Variants in RPL7L1 observed in about 807,000 individuals in gnomAD.
The protein encoded by RPL7L1 is ribosomal protein uL30-like.
In RPL7L1, 20 loss-of-function variants were observed where a neutral mutation model predicts 30.3. The observed-to-expected ratio is 0.66, with a 90% CI of 0.46 to 0.96. RPL7L1 has a LOEUF of 0.96. Ranked by LOEUF, RPL7L1 falls within the 40% of genes least tolerant of loss-of-function variation. RPL7L1 has a pLI of 0.00. For missense variants in RPL7L1, 271 were observed against 314.9 expected, an observed-to-expected ratio of 0.86 and a Z score of 1.05; for synonymous variants, 107 against 110.1, an observed-to-expected ratio of 0.97 and a Z score of 0.18.
In RPL7L1 at chr6:42,886,455, G is replaced by A; in HGVS notation, c.759G>A (p.Gln253=). The change falls in exon 6 of 6, where the codon CAG becomes CAA. Residue 253 remains glutamine, a synonymous_variant. Transcript: ENST00000493763. ...RGERINQLIR[Q]LN ...AACGCATCAATCAGCTCATCCGTCAGCTGAACTAGACCCAGGTGAGGCAGG... is the reference window on the plus strand; with the variant it reads ...AACGCATCAATCAGCTCATCCGTCAACTGAACTAGACCCAGGTGAGGCAGG... The A allele has an allele frequency of 1.3e-6, 2 of 1,534,378 alleles. No individual in the cohort carries two copies. Among genetic ancestry groups the A allele is most frequent in the South Asian group, 1.1e-5 (1 of 89,356 alleles).
chr6:42,886,720 G>C lies in RPL7L1; in HGVS notation c.*256G>C, dbSNP rs1485560224. ...AACTAAAAACTGTATTGCTGGCCGG[G>C]CGCGGTGGCTCACGCCTGTAATCCC... On this transcript the variant is annotated 3_prime_UTR_variant, in exon 6 of 6. Transcript: ENST00000493763. 1 of 376,700 alleles carries C rather than the reference G, an allele frequency of 2.7e-6. No homozygotes were observed. The highest frequency in any genetic ancestry group is 2.6e-5 in the South Asian group (1 of 38,912). 23.3% of individuals were successfully genotyped at this position (376,700 alleles called of 1,614,324 possible). A position where few individuals can be genotyped will look rare whatever the true frequency, so the allele number is the denominator to read the frequency against.
rs1186617191 is a variant in RPL7L1, at chr6:42,887,623, C to T, written c.*1159C>T. On this transcript the variant is annotated 3_prime_UTR_variant, in exon 6 of 6. Transcript: ENST00000493763. ...CAGTAGCATATGTTCATGTCAAGCA[C>T]CTCTCATCACAGTCGAGTTCCAAGG... is the stretch of plus-strand genomic sequence containing the variant. 2 of 152,398 alleles carry T rather than the reference C, an allele frequency of 1.3e-5. No individual in the cohort carries two copies. Among genetic ancestry groups the T allele is most frequent in the East Asian group, 3.9e-4 (2 of 5,194 alleles). 9.4% of individuals were successfully genotyped at this position (152,398 alleles called of 1,614,324 possible). A position where few individuals can be genotyped will look rare whatever the true frequency, so the allele number is the denominator to read the frequency against.
In RPL7L1 at chr6:42,880,858, C is replaced by T. The variant is rs1282216136; in HGVS notation, c.42-3C>T. 1.9e-6 allele frequency: 3 copies of T among 1,559,084 alleles called. 1 individual carries two copies. The South Asian group carries it at 3.3e-5, about 17-fold the overall frequency. On this transcript the variant is annotated splice_polypyrimidine_tract_variant and splice_region_variant and intron_variant, in intron 1 of 5. Transcript: ENST00000493763. ...TATCTCTGATCTCAATTTTCTGCATCAGGCAAAGAAAAATCCCTTTGGTTC... is the reference window on the plus strand; with the variant it reads ...TATCTCTGATCTCAATTTTCTGCATTAGGCAAAGAAAAATCCCTTTGGTTC...
intron 2 of RPL7L1, chr6:42,882,592 CAAAAA>C (rs57689508): frequency 6.7e-5 from 7 of 104,736 alleles, no homozygotes; most frequent in Admixed American, 2.1e-4. Flanking sequence ...AACCCTGTCT[CAAAAA>C]AAAAAAAAAA....
Position 42,883,439 on chromosome 6 carries a change from T to C in RPL7L1, c.148-12T>C. On this transcript the variant is annotated splice_polypyrimidine_tract_variant and intron_variant, in intron 2 of 5. Coordinates refer to ENST00000493763, the MANE Select transcript of RPL7L1 (RefSeq NM_001366481.3). ...GGCACAAGATGATGATGATGGTCTG[T>C]CTTCTCTGTAGCAGAAGAAAGGAAA... 6.4e-7 allele frequency: 1 copy of C among 1,562,548 alleles called. No homozygotes were observed. The highest frequency in any genetic ancestry group is 1.2e-5 in the South Asian group (1 of 82,412).
chr6:42,883,606 C>T lies in RPL7L1; in HGVS notation c.303C>T (p.Arg101=). Residue 101 remains arginine (R), a synonymous_variant, in exon 3 of 6, where the codon CGC becomes CGT. Coordinates refer to ENST00000493763, the MANE Select transcript of RPL7L1 (RefSeq NM_001366481.3). The part of the protein sequence containing the change: ...PDKHSLAFVV[R]IERIDGVSLL... Reference sequence around the variant, plus strand: ...AACATTCCTTGGCCTTTGTTGTACGCATCGAAAGGTAAGGAACTGGTGTCT... The same window carrying T: ...AACATTCCTTGGCCTTTGTTGTACGTATCGAAAGGTAAGGAACTGGTGTCT... 6.3e-7 allele frequency: 1 copy of T among 1,590,540 alleles called. No individual in the cohort carries two copies. The highest frequency in any genetic ancestry group is 1.2e-5 in the South Asian group (1 of 86,696).
rs991594225 is a variant in RPL7L1, at chr6:42,888,259, A to T, written c.*1795A>T. On this transcript the variant is annotated 3_prime_UTR_variant, in exon 6 of 6. Coordinates refer to ENST00000493763, the MANE Select transcript of RPL7L1 (RefSeq NM_001366481.3). ...AGCCTCCACCTCCTGGGTTCAAGTG[A>T]TTCTGCCTCAGCCCCTTGATCAGCT... 2 of 152,204 alleles carry T rather than the reference A, an allele frequency of 1.3e-5. No individual in the cohort carries two copies. The highest frequency in any genetic ancestry group is 4.8e-5 in the African/African-American group (2 of 41,432). 9.4% of individuals were successfully genotyped at this position (152,204 alleles called of 1,614,324 possible). A position where few individuals can be genotyped will look rare whatever the true frequency, so the allele number is the denominator to read the frequency against.
chr6:42,884,209 A>T (rs922657325), intron 3 of RPL7L1, among the ~76,000 whole-genome samples: 2 of 152,032 alleles, frequency 1.3e-5, no homozygotes, highest in African/African-American at 4.8e-5. Flanking sequence ...TTCCTCCTGG[A>T]TTTCCTTGCC....
Position 42,886,245 on chromosome 6 carries a change from G to T in RPL7L1, c.560-11G>T. The T allele has an allele frequency of 6.2e-7, 1 of 1,606,646 alleles. No homozygotes were observed. Among genetic ancestry groups the T allele is most frequent in the Non-Finnish European group, 8.5e-7 (1 of 1,175,028 alleles). Reference sequence around the variant, plus strand: ...GTTAAATAAAGGAATCTGTGCTTTTGTGTTTCTTAGGGAAGTTTGGCGTCA... The same window carrying T: ...GTTAAATAAAGGAATCTGTGCTTTTTTGTTTCTTAGGGAAGTTTGGCGTCA... On this transcript the variant is annotated splice_polypyrimidine_tract_variant and intron_variant, in intron 5 of 5. Coordinates refer to ENST00000493763, the MANE Select transcript of RPL7L1 (RefSeq NM_001366481.3).
Position 42,886,038 on chromosome 6 carries a change from A to T in RPL7L1, c.514A>T (p.Lys172Ter). Residue 172 changes from lysine to a stop codon, truncating the protein, a stop_gained, in exon 5 of 6, where the codon AAG becomes TAG. Transcript: ENST00000493763. LOFTEE classifies it high-confidence loss of function. ...ACGTGGACAAGCCAAGGTCAAGAATAAGACCATCCCTCTGACAGACAATAC... is the reference window on the plus strand; with the variant it reads ...ACGTGGACAAGCCAAGGTCAAGAATTAGACCATCCCTCTGACAGACAATAC... ...LKRGQAKVKN[K>*]TIPLTDNTVI... The T allele has an allele frequency of 6.2e-7, 1 of 1,609,220 alleles. No individual in the cohort carries two copies. Among genetic ancestry groups the T allele is most frequent in the Non-Finnish European group, 8.5e-7 (1 of 1,176,770 alleles).
At position 42,880,878 on chromosome 6, in the gene RPL7L1, T is replaced by C. The variant is rs1432837021; in HGVS notation, c.59T>C (p.Leu20Ser). 1 of 1,598,266 alleles carries C rather than the reference T, an allele frequency of 6.3e-7. No individual in the cohort carries two copies. Among genetic ancestry groups the C allele is most frequent in the East Asian group, 2.2e-5 (1 of 44,794 alleles). Residue 20 changes from leucine to serine, a missense_variant, in exon 2 of 6, where the codon TTG becomes TCG. By Grantham distance (145) the Leu-to-Ser change is moderately radical. Coordinates refer to ENST00000493763, the MANE Select transcript of RPL7L1 (RefSeq NM_001366481.3). ...MAEQEQRKIP[L>S]VPENLLKKRK... The stretch of plus-strand genomic sequence containing the variant: ...TGCATCAGGCAAAGAAAAATCCCTT[T>C]GGTTCCAGAAAATCTCCTGAAAAAG...
In RPL7L1 at chr6:42,887,063, T is replaced by G. The variant is rs1323042228; in HGVS notation, c.*599T>G. On this transcript the variant is annotated 3_prime_UTR_variant, in exon 6 of 6. Coordinates refer to ENST00000493763, the MANE Select transcript of RPL7L1 (RefSeq NM_001366481.3). ...ATGAGGAAAGAATAATATTAATAAC[T>G]GATTTCAAAAAGGACTTGAAGATGT... The G allele has an allele frequency of 6.6e-6, 1 of 151,882 alleles. No homozygotes were observed. The highest frequency in any genetic ancestry group is 1.5e-5 in the Non-Finnish European group (1 of 68,036). 9.4% of individuals were successfully genotyped at this position (151,882 alleles called of 1,614,324 possible). A position where few individuals can be genotyped will look rare whatever the true frequency, so the allele number is the denominator to read the frequency against.
intron 2 of RPL7L1, chr6:42,882,799 G>C (rs1766127209): frequency 6.6e-6 from 1 of 151,858 alleles, no homozygotes; most frequent in Admixed American, 6.6e-5. Context: ...CCAGCTACTT[G>C]GGAGGCTGAG....
chr6:42,884,591 C>G (rs1371301182), intron 3 of RPL7L1, 22 bp from the exon 4 acceptor site: 30 of 1,608,700 alleles, frequency 1.9e-5, no homozygotes, highest in Non-Finnish European at 2.5e-5. Context: ...GTCTGTCTGA[C>G]TTCTGTTGCT....
intron 4 of RPL7L1, among the ~76,000 whole-genome samples, chr6:42,885,202 TAGCC>T (rs992177124): frequency 6.6e-6 from 1 of 151,586 alleles, no homozygotes; most frequent in African/African-American, 2.4e-5. Flanking sequence ...CAAAAAAAAT[TAGCC>T]AGGCATGGTG....
At position 42,885,957 on chromosome 6, in the gene RPL7L1, T is replaced by TAA; in HGVS notation, c.450-17_450-16insAA. Reference sequence around the variant, plus strand: ...TGCCAGGTGCTGGTGAAAACCGTGCTTTATTTTCCTACATAGATTTCCAAA... The same window carrying TAA: ...TGCCAGGTGCTGGTGAAAACCGTGCTAATTATTTTCCTACATAGATTTCCAAA... On this transcript the variant is annotated splice_polypyrimidine_tract_variant and intron_variant, in intron 4 of 5. Coordinates refer to ENST00000493763, the MANE Select transcript of RPL7L1 (RefSeq NM_001366481.3). 4 of 1,482,154 alleles carry TAA rather than the reference T, an allele frequency of 2.7e-6. No individual in the cohort carries two copies. Among genetic ancestry groups the TAA allele is most frequent in the Non-Finnish European group, 3.8e-6 (4 of 1,061,422 alleles). The allele number at this position is 1,482,154 out of a possible 1,614,324, so 91.8% of individuals were successfully genotyped here. A position where few individuals can be genotyped will look rare whatever the true frequency, so the allele number is the denominator to read the frequency against.
At position 42,880,743 on chromosome 6, in the gene RPL7L1, C is replaced by T. The variant is rs1410588991; in HGVS notation, c.42-118C>T. On this transcript the variant is annotated intron_variant, in intron 1 of 5. Transcript: ENST00000493763. ...GGTCAGGCTGGTCTCGAACTCCTGA[C>T]CTCAGGTAATCCACCCACCTCGGCC... 8 of 568,258 alleles carry T rather than the reference C, an allele frequency of 1.4e-5. No individual in the cohort carries two copies. In the East Asian group the frequency reaches 1.6e-4, roughly 11 times the overall value. 35.2% of individuals were successfully genotyped at this position (568,258 alleles called of 1,614,324 possible).
chr6:42,884,474 C>A (rs1038432241), intron 3 of RPL7L1, 139 bp from the exon 4 acceptor site: 3 of 672,372 alleles, frequency 4.5e-6, no homozygotes, highest in Non-Finnish European at 7.6e-6. Context: ...ATAACCGCCT[C>A]CCACTAAACT....
rs1448807642 is a variant in RPL7L1, at chr6:42,879,734, G to A, written c.-177G>A. The A allele has an allele frequency of 3.3e-6, 2 of 614,880 alleles. No individual in the cohort carries two copies. Among genetic ancestry groups the A allele is most frequent in the African/African-American group, 1.8e-5 (1 of 54,112 alleles). 38.1% of individuals were successfully genotyped at this position (614,880 alleles called of 1,614,324 possible). ...GGGCTGGGTTTTGAAAATAACACAG[G>A]CTCTAAAAACCCTAAGAAGCGGTGC... On this transcript the variant is annotated 5_prime_UTR_variant, in exon 1 of 6. Coordinates refer to ENST00000493763, the MANE Select transcript of RPL7L1 (RefSeq NM_001366481.3).
Sources: gnomAD v4.1 joint callset for allele counts (sites outside exome capture counted in the v4.1 genomes callset) on GRCh38, gnomAD v4.1.1 for gene constraint, MANE v1.5 for transcripts, NCBI Gene and HGNC (gene_info 2026-07-23, HGNC 2026-07-21) for gene names.